DLGAP2: variants seen among roughly 807,000 people sequenced by gnomAD.
DLGAP2 encodes disks large-associated protein 2.
DLGAP2 carries 26 observed loss-of-function variants against 100.3 expected under a neutral mutation model. The observed-to-expected ratio is 0.26, with a 90% CI of 0.19 to 0.36. The LOEUF (loss-of-function observed/expected upper bound fraction) is 0.36, where lower values mean the gene tolerates loss of function less well. Among genes scored for constraint, DLGAP2 ranks in the 10% least tolerant of loss-of-function variants. DLGAP2 has a pLI of 1.00. For synonymous variants in DLGAP2, 886 were observed against 630.1 expected (o/e 1.41, Z -6.08); for missense variants, 1,858 against 1,453.2 (o/e 1.28, Z -4.53).
intron 1 of DLGAP2, among the ~76,000 whole-genome samples, chr8:829,750 G>A (rs1007996006): frequency 6.6e-6 from 1 of 152,146 alleles, no homozygotes; most frequent in East Asian, 1.9e-4. Flanking sequence ...TTCTATGTTC[G>A]TAGTCACATA....
At chr8:956,846 A>T (rs79983112) in intron 2 of DLGAP2, among the ~76,000 whole-genome samples, 1 of 152,144 alleles carries the variant, frequency 6.6e-6, no homozygotes, top group Non-Finnish European at 1.5e-5. Flanking sequence ...TGGGAACAGG[A>T]TTATTGTGGT....
intron 8 of DLGAP2, among the ~76,000 whole-genome samples, chr8:1,653,783 T>C (rs1290778370): frequency 6.6e-6 from 1 of 152,246 alleles, no homozygotes; most frequent in East Asian, 1.9e-4. Flanking sequence ...GATTATGACA[T>C]CCATAGTGTG....
intron 5 of DLGAP2, among the ~76,000 whole-genome samples, chr8:1,562,961 G>A (rs565625671): frequency 1.3e-5 from 1 of 79,260 alleles, no homozygotes; most frequent in Admixed American, 1.5e-4. Context: ...GGGTGTCCGC[G>A]CCTCGTTACT....
chr8:1,407,741 G>A (rs7834592), intron 3 of DLGAP2, among the ~76,000 whole-genome samples: 2 of 53,566 alleles, frequency 3.7e-5, no homozygotes, highest in Non-Finnish European at 7.6e-5. Flanking sequence ...GCGCCAGCTC[G>A]TCATCCTCCA....
At chr8:1,212,538 C>T (rs1178490638) in intron 2 of DLGAP2, among the ~76,000 whole-genome samples, 1 of 152,148 alleles carries the variant, frequency 6.6e-6, no homozygotes, top group African/African-American at 2.4e-5. Flanking sequence ...TCAGTGTCCA[C>T]ACACTTGGCA....
chr8:1,556,896 G>C (rs954016966), intron 5 of DLGAP2, among the ~76,000 whole-genome samples: 1 of 152,170 alleles, frequency 6.6e-6, no homozygotes, highest in African/African-American at 2.4e-5. Flanking sequence ...TGTACATCCC[G>C]GGAGGCAGCA....
chr8:1,670,453 A>T (rs1486316907), intron 10 of DLGAP2, among the ~76,000 whole-genome samples: 1 of 151,696 alleles, frequency 6.6e-6, no homozygotes, highest in East Asian at 1.9e-4. Flanking sequence ...CTGTGCCTTT[A>T]CCCCTTCCCG....
chr8:1,418,604 G>A (rs918339171), intron 3 of DLGAP2, among the ~76,000 whole-genome samples: 1 of 152,104 alleles, frequency 6.6e-6, no homozygotes, highest in Non-Finnish European at 1.5e-5. Context: ...AAATAAAAGG[G>A]AAAAAAGTGT....
chr8:818,530 C>T (rs1432389563), intron 1 of DLGAP2, among the ~76,000 whole-genome samples: 1 of 152,330 alleles, frequency 6.6e-6, no homozygotes, highest in South Asian at 2.1e-4. Context: ...TCTGTGGATT[C>T]TCTTGGCTTT....
rs187672054 is a variant in DLGAP2, at chr8:759,496, C to T, written c.18+21671C>T. 5.4e-4 allele frequency among the ~76,000 whole-genome samples: 82 copies of T among 150,820 alleles called. 1 individual carries two copies. Among genetic ancestry groups the T allele is most frequent in the Middle Eastern group, 3.4e-3 (1 of 290 alleles). ...CCAGCACTCCGGAGTCCACGGTTGA[C>T]GTGGGGCTCCCTCCTGGGCTGCACA... On this transcript the variant is annotated intron_variant, in intron 1 of 14. Transcript: ENST00000637795.
chr8:1,673,567 T>A (rs1407310458), intron 10 of DLGAP2, among the ~76,000 whole-genome samples: 1 of 152,188 alleles, frequency 6.6e-6, no homozygotes, highest in Non-Finnish European at 1.5e-5. Context: ...GCCTTTAATG[T>A]AATATACATA....
At chr8:1,227,102 CAG>C (rs1798431610) in intron 2 of DLGAP2, among the ~76,000 whole-genome samples, 1 of 126,178 alleles carries the variant, frequency 7.9e-6, no homozygotes, top group Admixed American at 7.6e-5. Flanking sequence ...AGCCGAGATA[CAG>C]AAATGACCTG....
At chr8:778,250 A>T (rs986663169) in intron 1 of DLGAP2, among the ~76,000 whole-genome samples, 2 of 151,896 alleles carry the variant, frequency 1.3e-5, no homozygotes, top group Non-Finnish European at 2.9e-5. Flanking sequence ...CATTCTTCTA[A>T]ATTTTTTTCA....
chr8:1,200,214 C>T (rs1797840998), intron 2 of DLGAP2, among the ~76,000 whole-genome samples: 1 of 152,222 alleles, frequency 6.6e-6, no homozygotes, highest in Admixed American at 6.5e-5. Flanking sequence ...TGTCACCTTC[C>T]TCCTGGGACA....
chr8:1,059,800 C>A (rs546912100), intron 2 of DLGAP2, among the ~76,000 whole-genome samples: 90 of 152,278 alleles, frequency 5.9e-4, no homozygotes, highest in Middle Eastern at 3.4e-3. Flanking sequence ...CCAGGACAGA[C>A]AGAGACACGC....
At chr8:1,285,028 G>C (rs940716130) in intron 3 of DLGAP2, among the ~76,000 whole-genome samples, 1 of 152,234 alleles carries the variant, frequency 6.6e-6, no homozygotes, top group East Asian at 1.9e-4. Flanking sequence ...CTTGCTTTTT[G>C]GTGTTTTTCC....
chr8:756,817 G>A (rs1019403637), intron 1 of DLGAP2, among the ~76,000 whole-genome samples: 2 of 152,182 alleles, frequency 1.3e-5, no homozygotes, highest in Admixed American at 1.3e-4. Flanking sequence ...GGTCTCTCTC[G>A]GCTTGAAACC....
chr8:1,691,644 G>C lies in DLGAP2; in HGVS notation c.2796+18G>C. Reference sequence around the variant, plus strand: ...AGAATATGGTAAGTGAATCCTCAGTGAACCCCTGTTCCCTGTAACCAAGCT... The same window carrying C: ...AGAATATGGTAAGTGAATCCTCAGTCAACCCCTGTTCCCTGTAACCAAGCT... On this transcript the variant is annotated intron_variant, in intron 13 of 14. Coordinates refer to ENST00000637795, the MANE Select transcript of DLGAP2 (RefSeq NM_001346810.2). 6.2e-7 allele frequency: 1 copy of C among 1,600,544 alleles called. No homozygotes were observed. The highest frequency in any genetic ancestry group is 1.7e-5 in the Admixed American group (1 of 59,642).
intron 1 of DLGAP2, among the ~76,000 whole-genome samples, chr8:837,396 A>G (rs890916315): frequency 6.6e-6 from 1 of 152,236 alleles, no homozygotes; most frequent in Non-Finnish European, 1.5e-5. Context: ...TTTATTAAAC[A>G]CCAGTTTTGA....
Sources: allele counts gnomAD v4.1 joint callset (sites outside exome capture counted in the v4.1 genomes callset), GRCh38; gene constraint gnomAD v4.1.1; transcripts MANE v1.5; gene names NCBI Gene and HGNC (gene_info 2026-07-23, HGNC 2026-07-21).